MTCL1: variants seen among roughly 807,000 people sequenced by gnomAD.
MTCL1 encodes the protein microtubule crosslinking factor 1.
Under a neutral mutation model 141.4 loss-of-function variants are expected in MTCL1, and 79 were observed. The observed-to-expected ratio is 0.56, with a 90% CI of 0.47 to 0.67. The LOEUF is 0.67. MTCL1 is among the 30% of genes least tolerant of loss of function. The pLI is 0.00. For synonymous variants in MTCL1, 914 were observed against 875.8 expected, an observed-to-expected ratio of 1.04 and a Z score of -0.77; for missense variants, 2,177 against 2,113.9, an observed-to-expected ratio of 1.03 and a Z score of -0.59.
At chr18:8,720,521 G>T (rs754555250) in intron 4 of MTCL1, 25 bp downstream of exon 3, 6 of 1,605,706 alleles carry the variant, frequency 3.7e-6, no homozygotes, top group Non-Finnish European at 5.1e-6. Context: ...TGGGGGTCCT[G>T]CCCCCTTGGA....
chr18:8,826,074 C>G (rs768529986), exon 15 of MTCL1: 1 of 1,610,828 alleles, frequency 6.2e-7, no homozygotes, highest in Admixed American at 1.7e-5. Context: ...ATCTGCTCCC[C>G]CTGGCTACAC....
At chr18:8,764,052 A>G (rs1303682806) in intron 4 of MTCL1, among the ~76,000 whole-genome samples, 1 of 152,222 alleles carries the variant, frequency 6.6e-6, no homozygotes, top group Non-Finnish European at 1.5e-5. Flanking sequence ...TTCATACTTC[A>G]AACACACATT....
Position 8,760,357 on chromosome 18 carries a change from A to G in MTCL1, c.358-17476A>G, listed in dbSNP as rs138533126. 3.0e-3 allele frequency among the ~76,000 whole-genome samples: 453 copies of G among 152,330 alleles called. 2 individuals are homozygous for G. The highest frequency in any genetic ancestry group is 3.5e-3 in the Non-Finnish European group (235 of 68,028). ...AGAGTCCCCACCTCATATTGGTGGT[A>G]TTAGGATTCGGGATCTCAAATATAA... On this transcript the variant is annotated intron_variant, in intron 4 of 16. Transcript: ENST00000359865.
At chr18:8,736,940 T>C (rs1473352114) in intron 4 of MTCL1, among the ~76,000 whole-genome samples, 2 of 152,158 alleles carry the variant, frequency 1.3e-5, no homozygotes, top group Non-Finnish European at 2.9e-5. Context: ...GCACCCGGCC[T>C]ATCCATCTAT....
intron 11 of MTCL1, among the ~76,000 whole-genome samples, chr18:8,811,961 G>A (rs1418967759): frequency 1.3e-5 from 2 of 152,182 alleles, no homozygotes; most frequent in Admixed American, 6.5e-5. Flanking sequence ...ATTAATCAGA[G>A]TCTACCTTGA....
Position 8,813,032 on chromosome 18 carries a change from C to CA in MTCL1, c.2660dup (p.Ala889GlyfsTer81). 5 of 1,614,160 alleles carry CA rather than the reference C, an allele frequency of 3.1e-6. No individual in the cohort carries two copies. Among genetic ancestry groups the CA allele is most frequent in the Non-Finnish European group, 4.2e-6 (5 of 1,180,032 alleles). Reference sequence around the variant, plus strand: ...GAGAACTAGGCTCCTCCGCTGAGAGCAAGGGGGCCTTGAAGAAGGAGAGAG... The same window carrying CA: ...GAGAACTAGGCTCCTCCGCTGAGAGCAAAGGGGGCCTTGAAGAAGGAGAGAG... On this transcript the variant is annotated frameshift_variant, in exon 12 of 17. Coordinates refer to ENST00000359865, the Ensembl canonical transcript of MTCL1. LOFTEE classifies it high-confidence loss of function.
intron 4 of MTCL1, among the ~76,000 whole-genome samples, chr18:8,742,559 A>G (rs923173407): frequency 6.6e-6 from 1 of 152,166 alleles, no homozygotes; most frequent in Non-Finnish European, 1.5e-5. Flanking sequence ...ACTCACTATC[A>G]CAAGAATAGT....
chr18:8,789,987 C>G (rs62086593), intron 7 of MTCL1, among the ~76,000 whole-genome samples: 14,138 of 152,146 alleles, frequency 0.093, 780 homozygotes, highest in Non-Finnish European at 0.13. Context: ...TTTAATATTG[C>G]ATTAGCAAAA....
intron 12 of MTCL1, among the ~76,000 whole-genome samples, chr18:8,816,539 T>C (rs970276837): frequency 1.3e-5 from 2 of 152,088 alleles, no homozygotes; most frequent in Non-Finnish European, 2.9e-5. Flanking sequence ...TTTTATGGAG[T>C]CACACTACAT....
intron 4 of MTCL1, among the ~76,000 whole-genome samples, chr18:8,739,192 C>T (rs1461140144): frequency 6.6e-6 from 1 of 152,190 alleles, no homozygotes; most frequent in African/African-American, 2.4e-5. Context: ...CTGTGGTGAG[C>T]TTTGATGATA....
chr18:8,829,538 A>G (rs1050741960), intron 16 of MTCL1: 2 of 972,690 alleles, frequency 2.1e-6, no homozygotes, highest in African/African-American at 3.5e-5. Context: ...CAACAAAATC[A>G]TCCCCACTCC....
chr18:8,712,084 C>G lies in MTCL1; in HGVS notation c.1053+5371C>G, dbSNP rs527613639. ...AGCAGCCATAACCCCACACCTCCCC[C>G]ACCCCCAAATAGTGTCCTCTTGCCA... On this transcript the variant is annotated intron_variant, in intron 1 of 13. Transcript: ENST00000306329. Among the ~76,000 whole-genome samples, 5 of 152,302 alleles carry G rather than the reference C, an allele frequency of 3.3e-5. No individual in the cohort carries two copies. The South Asian group carries it at 6.2e-4, about 19-fold the overall frequency.
intron 4 of MTCL1, among the ~76,000 whole-genome samples, chr18:8,748,446 G>T (rs1400249073): frequency 6.6e-6 from 1 of 152,156 alleles, no homozygotes; most frequent in Non-Finnish European, 1.5e-5. Context: ...GGGAGGCTGA[G>T]ATGGGAGGAT....
At position 8,822,290 on chromosome 18, in the gene MTCL1, G is replaced by T. The variant is rs186514734; in HGVS notation, c.3188+792G>T. On this transcript the variant is annotated intron_variant, in intron 14 of 16. Transcript: ENST00000359865. The surrounding 1 kb of genome is among the most constrained non-coding windows in gnomAD (Gnocchi z 4.6). The stretch of plus-strand genomic sequence containing the variant: ...GCCAAACTGCCTGGGTTGGTTGGTT[G>T]GTTGGTTGGTTGGTTGATTTTTGAA... Among the ~76,000 whole-genome samples the T allele has an allele frequency of 1.3e-5, 2 of 151,256 alleles. No individual in the cohort carries two copies. Among genetic ancestry groups the T allele is most frequent in the Non-Finnish European group, 3.0e-5 (2 of 67,746 alleles).
chr18:8,832,085 G>T (rs144799239), exon 17 of MTCL1: 2 of 402,254 alleles, frequency 5.0e-6, no homozygotes, highest in African/African-American at 4.1e-5. Flanking sequence ...GGTAAATAAG[G>T]TATAAATAGA....
chr18:8,757,370 C>T (rs982177932), intron 4 of MTCL1, among the ~76,000 whole-genome samples: 16 of 152,096 alleles, frequency 1.1e-4, no homozygotes, highest in Non-Finnish European at 5.9e-5. Flanking sequence ...CAGGAGTAGC[C>T]GCTGTAGGAT....
upstream of MTCL1, among the ~76,000 whole-genome samples, chr18:8,715,665 G>A (rs8087532): frequency 6.6e-6 from 1 of 152,146 alleles, no homozygotes; most frequent in Admixed American, 6.5e-5. Context: ...TCATGGATGG[G>A]GTGTGAATCA....
At chr18:8,781,262 A>G (rs2096531830) in intron 5 of MTCL1, among the ~76,000 whole-genome samples, 2 of 151,920 alleles carry the variant, frequency 1.3e-5, no homozygotes, top group Admixed American at 6.6e-5. Context: ...ATTAAACACA[A>G]CGTATGCCTT....
intron 8 of MTCL1, 150 bp downstream of exon 7, chr18:8,793,270 T>C: frequency 1.9e-6 from 2 of 1,079,580 alleles, no homozygotes; most frequent in Non-Finnish European, 2.6e-6. Flanking sequence ...CCAGTCAAGC[T>C]GTCCCCTCTC....
Sources: allele counts gnomAD v4.1 joint callset (sites outside exome capture counted in the v4.1 genomes callset), GRCh38; gene constraint gnomAD v4.1.1; non-coding constraint Gnocchi (gnomAD v3.1); transcripts MANE v1.5; gene names NCBI Gene and HGNC (gene_info 2026-07-23, HGNC 2026-07-21).